DOCK8: variants seen among roughly 807,000 people sequenced by gnomAD.
The protein encoded by DOCK8 is dedicator of cytokinesis 8.
DOCK8 carries 141 observed loss-of-function variants against 245.6 expected under a neutral mutation model. That is an observed-to-expected ratio of 0.57 (90% CI 0.50 to 0.66). The LOEUF is 0.66. Ranked by LOEUF, DOCK8 falls within the 30% of genes least tolerant of loss-of-function variation. DOCK8 has a pLI of 0.00. For synonymous variants in DOCK8, 1,168 were observed against 970.2 expected (o/e 1.20, Z -3.79); for missense variants, 2,965 against 2,603.4 (o/e 1.14, Z -3.02).
At chr9:239,396 A>T (rs78398356) in intron 1 of DOCK8, among the ~76,000 whole-genome samples, 5,331 of 152,300 alleles carry the variant, frequency 0.035, 196 homozygotes, top group Admixed American at 0.12. Context: ...AAATCCTGAG[A>T]GTTATAAGAG....
intron 40 of DOCK8, among the ~76,000 whole-genome samples, chr9:440,101 C>T (rs2057044519): frequency 6.6e-6 from 1 of 152,196 alleles, no homozygotes; most frequent in Non-Finnish European, 1.5e-5. Flanking sequence ...TCACTGCAGC[C>T]TCTACCTCCA....
intron 1 of DOCK8, among the ~76,000 whole-genome samples, chr9:243,739 G>A (rs1200931605): frequency 6.6e-6 from 1 of 152,038 alleles, no homozygotes; most frequent in African/African-American, 2.4e-5. Context: ...TCTGAATCTA[G>A]AGGACTCTGA....
intron 4 of DOCK8, among the ~76,000 whole-genome samples, chr9:296,778 GT>G (rs2049277102): frequency 6.6e-6 from 1 of 152,114 alleles, no homozygotes; most frequent in Admixed American, 6.6e-5. Context: ...AGCCTATGTG[GT>G]AACAAAGAGC....
intron 26 of DOCK8, among the ~76,000 whole-genome samples, chr9:399,706 C>G (rs112871216): frequency 0.018 from 2,674 of 152,054 alleles, 75 homozygotes; most frequent in African/African-American, 0.062. Context: ...TAAAATCATT[C>G]AAAGAGATTT....
At chr9:234,733 G>C (rs967149750) in intron 1 of DOCK8, among the ~76,000 whole-genome samples, 2 of 152,152 alleles carry the variant, frequency 1.3e-5, no homozygotes, top group Non-Finnish European at 1.5e-5. Flanking sequence ...CTTTTGCCTT[G>C]GTTTTCAGCT....
At chr9:310,195 A>G (rs909780816) in intron 5 of DOCK8, among the ~76,000 whole-genome samples, 2 of 151,984 alleles carry the variant, frequency 1.3e-5, no homozygotes, top group African/African-American at 2.4e-5. Context: ...TGAACCTGGG[A>G]GGCAGAGGCA....
chr9:227,040 G>A (rs1462325949), intron 1 of DOCK8, among the ~76,000 whole-genome samples: 43 of 152,122 alleles, frequency 2.8e-4, no homozygotes, highest in Admixed American at 2.7e-3. Flanking sequence ...AAGGACATAC[G>A]CCAATATGTC....
chr9:216,554 A>AAAAAAAAAAAAAAAAAAG (rs1188826653), intron 1 of DOCK8, among the ~76,000 whole-genome samples: 1 of 150,798 alleles, frequency 6.6e-6, no homozygotes, highest in African/African-American at 2.4e-5. Flanking sequence ...AAAAAAAAAA[A>AAAAAAAAAAAAAAAAAAG]AGCAAAAACA....
At chr9:368,868 C>G (rs1489182869) in intron 15 of DOCK8, 3 of 134,020 alleles carry the variant, frequency 2.2e-5, no homozygotes, top group Non-Finnish European at 4.6e-5. Flanking sequence ...TTTGCCCAGG[C>G]TGGAGTACAA....
intron 14 of DOCK8, 28 bp from the exon 15 acceptor site, chr9:367,990 C>A (rs752578258): frequency 6.4e-6 from 10 of 1,563,810 alleles, no homozygotes; most frequent in South Asian, 1.1e-5. Flanking sequence ...AGACCTTTTT[C>A]ATTGATTCTT....
In DOCK8 at chr9:340,257, C is replaced by T. The variant is rs756969917; in HGVS notation, c.1615C>T (p.Arg539Cys). ...GAAACCCTTTCCTGAAAACCGGACA[C>T]GCCCGCACAAAGAGATTTTGGAATT... ...PVKPFPENRT[R>C]PHKEILEFPT... Residue 539 changes from arginine to cysteine, a missense_variant, in exon 14 of 48, where the codon CGC becomes TGC. By Grantham distance (180) the Arg-to-Cys change is radical (BLOSUM62 -3). Around this residue, in one of 3 missense-constraint regions of DOCK8, gnomAD observed 2,825 missense variants for 2,453.5 expected, o/e 1.15. Transcript: ENST00000432829. 13 of 1,614,046 alleles carry T rather than the reference C, an allele frequency of 8.1e-6. No homozygotes were observed. The highest frequency in any genetic ancestry group is 3.3e-5 in the Admixed American group (2 of 60,004).
intron 4 of DOCK8, among the ~76,000 whole-genome samples, chr9:298,652 T>TGTGTGA (rs1379687675): frequency 7.1e-6 from 1 of 141,436 alleles, no homozygotes. Context: ...TGTGTGTGTG[T>TGTGTGA]GTCAGAGAGA....
chr9:297,722 C>T (rs546045938), intron 4 of DOCK8, among the ~76,000 whole-genome samples: 1 of 152,246 alleles, frequency 6.6e-6, no homozygotes, highest in Admixed American at 6.5e-5. Flanking sequence ...AACCCTTGTC[C>T]TCTCCTCCCC....
chr9:433,504 G>A (rs745629563), intron 37 of DOCK8, among the ~76,000 whole-genome samples: 3 of 152,206 alleles, frequency 2.0e-5, no homozygotes, highest in Non-Finnish European at 4.4e-5. Flanking sequence ...AACTCAAGCT[G>A]AGGTCCTAAG....
At chr9:277,001 G>C (rs1011191749) in intron 2 of DOCK8, 1 of 331,174 alleles carries the variant, frequency 3.0e-6, no homozygotes, top group South Asian at 2.1e-5. Context: ...TAGAGACGGA[G>C]TTTCTCCATG....
chr9:349,802 C>G (rs1380550609), intron 14 of DOCK8, among the ~76,000 whole-genome samples: 1 of 152,174 alleles, frequency 6.6e-6, no homozygotes, highest in Non-Finnish European at 1.5e-5. Flanking sequence ...ACACAATAGT[C>G]TCTGAATTTT....
intron 26 of DOCK8, among the ~76,000 whole-genome samples, chr9:400,258 ACCACC>A (rs1564012988): frequency 5.2e-5 from 5 of 96,830 alleles, no homozygotes; most frequent in Admixed American, 1.0e-4. Context: ...CACCATCACC[ACCACC>A]TCCACCATCA....
chr9:446,476 C>T lies in DOCK8; in HGVS notation c.5687C>T (p.Thr1896Ile). Residue 1896 changes from threonine (T) to isoleucine (I), a missense_variant, in exon 44 of 48, where the codon ACC (threonine) becomes ATC (isoleucine). Thr to Ile is a moderately conservative substitution (Grantham distance 89, BLOSUM62 -1). Around this residue, in one of 3 missense-constraint regions of DOCK8, gnomAD observed 2,825 missense variants for 2,453.5 expected, o/e 1.15. Coordinates refer to ENST00000432829, the MANE Select transcript of DOCK8 (RefSeq NM_203447.4). ...TTCAACCTCCGGAGGTTCATGTACA[C>T]CACCCCGTTCACCCTGGAGGGGCGG... The part of the protein sequence containing the change: ...KNFNLRRFMY[T>I]TPFTLEGRPR... The T allele has an allele frequency of 6.8e-6, 11 of 1,614,210 alleles. No homozygotes were observed. The highest frequency in any genetic ancestry group is 8.5e-6 in the Non-Finnish European group (10 of 1,180,034).
intron 35 of DOCK8, among the ~76,000 whole-genome samples, 172 bp from the exon 36 acceptor site, chr9:429,530 C>T (rs1319283138): frequency 6.6e-6 from 1 of 152,238 alleles, no homozygotes; most frequent in Non-Finnish European, 1.5e-5. Context: ...CTCAAGTCTA[C>T]TCCATTGCTT....
Sources: gnomAD v4.1 joint callset for allele counts (sites outside exome capture counted in the v4.1 genomes callset) on GRCh38, gnomAD v4.1.1 for gene constraint, gnomAD v4.1.1 regional missense constraint, MANE v1.5 for transcripts, NCBI Gene and HGNC (gene_info 2026-07-23, HGNC 2026-07-21) for gene names.